The following MARCHF1 variants were observed in gnomAD, a reference collection of about 807,000 sequenced individuals.
MARCHF1 encodes the protein E3 ubiquitin-protein ligase MARCHF1.
Under a neutral mutation model 54.2 loss-of-function variants are expected in MARCHF1, and 40 were observed. The observed-to-expected ratio is 0.74, with a 90% CI of 0.57 to 0.96. The LOEUF is 0.96. Among genes scored for constraint, MARCHF1 ranks in the 40% least tolerant of loss-of-function variants. The pLI is 0.00. For missense variants in MARCHF1, 586 were observed against 656.5 expected (o/e 0.89, Z 1.17); for synonymous variants, 236 against 236.3 (o/e 1.00, Z 0.01).
chr4:163,665,581 G>T (rs1743503411), intron 5 of MARCHF1, among the ~76,000 whole-genome samples: 1 of 152,098 alleles, frequency 6.6e-6, no homozygotes, highest in African/African-American at 2.4e-5. Flanking sequence ...GATATTGATG[G>T]AGCGTGTATA....
At chr4:163,668,878 C>T (rs1743631364) in intron 5 of MARCHF1, among the ~76,000 whole-genome samples, 1 of 152,108 alleles carries the variant, frequency 6.6e-6, no homozygotes, top group Non-Finnish European at 1.5e-5. Flanking sequence ...AGTCATTATT[C>T]TCCAGAGGCA....
chr4:163,931,541 C>T (rs569229512), intron 3 of MARCHF1, among the ~76,000 whole-genome samples: 2 of 152,120 alleles, frequency 1.3e-5, no homozygotes, highest in Non-Finnish European at 2.9e-5. Context: ...GAAAATGGGG[C>T]CTCATCAAAC....
At chr4:164,096,570 T>TAA (rs70948698) in intron 2 of MARCHF1, among the ~76,000 whole-genome samples, 20,979 of 150,648 alleles carry the variant, frequency 0.14, 2,328 homozygotes, top group African/African-American at 0.32. Context: ...TATCTAAAAT[T>TAA]AAAAAAAAAA....
chr4:164,310,204 A>C (rs1477816095), intron 1 of MARCHF1, among the ~76,000 whole-genome samples: 1 of 152,036 alleles, frequency 6.6e-6, no homozygotes, highest in South Asian at 2.1e-4. Flanking sequence ...CAGCCTCCCG[A>C]GTAGCTGGGA....
chr4:163,902,892 C>T (rs1176572405), intron 3 of MARCHF1, among the ~76,000 whole-genome samples: 1 of 152,086 alleles, frequency 6.6e-6, no homozygotes, highest in Non-Finnish European at 1.5e-5. Flanking sequence ...TGTTATATAG[C>T]TCCATAGACC....
intron 3 of MARCHF1, among the ~76,000 whole-genome samples, chr4:163,933,510 G>C (rs1166536903): frequency 2.0e-5 from 3 of 152,134 alleles, no homozygotes; most frequent in Admixed American, 6.5e-5. Context: ...CAAACACTTA[G>C]GTAGAGGACT....
chr4:164,368,131 G>C (rs1424363258), intron 1 of MARCHF1, among the ~76,000 whole-genome samples: 1 of 142,286 alleles, frequency 7.0e-6, no homozygotes, highest in Non-Finnish European at 1.5e-5. Flanking sequence ...AAACCACAAA[G>C]AAATGGTTTT....
intron 5 of MARCHF1, among the ~76,000 whole-genome samples, chr4:163,654,206 T>G (rs957365045): frequency 6.6e-6 from 1 of 151,696 alleles, no homozygotes; most frequent in Non-Finnish European, 1.5e-5. Flanking sequence ...ACCTTGATCA[T>G]TGAAACATGA....
At chr4:164,127,289 A>C (rs1478395475) in intron 1 of MARCHF1, among the ~76,000 whole-genome samples, 2 of 152,172 alleles carry the variant, frequency 1.3e-5, no homozygotes, top group East Asian at 3.9e-4. Context: ...AAAAGCTTAA[A>C]GTAAAATGCA....
At chr4:163,957,032 A>G (rs918899741) in intron 3 of MARCHF1, among the ~76,000 whole-genome samples, 19 of 152,018 alleles carry the variant, frequency 1.2e-4, no homozygotes, top group African/African-American at 4.3e-4. Context: ...TGTGACTTTT[A>G]TTAAATTAAT....
intron 1 of MARCHF1, among the ~76,000 whole-genome samples, chr4:164,143,073 C>T (rs1756592575): frequency 1.4e-5 from 2 of 144,596 alleles, no homozygotes; most frequent in Admixed American, 6.9e-5. Context: ...AGGGTATCAG[C>T]AATGGAAGAT....
At chr4:164,003,630 A>C (rs1481090740) in intron 2 of MARCHF1, among the ~76,000 whole-genome samples, 3 of 152,106 alleles carry the variant, frequency 2.0e-5, no homozygotes, top group Non-Finnish European at 4.4e-5. Context: ...TAAAAAGTCA[A>C]GAAACAATGA....
chr4:164,056,030 G>GA (rs766289218), intron 2 of MARCHF1, among the ~76,000 whole-genome samples: 3 of 152,102 alleles, frequency 2.0e-5, no homozygotes, highest in African/African-American at 4.8e-5. Flanking sequence ...ATTTGCAGTA[G>GA]AAAAAAAAGT....
intron 4 of MARCHF1, among the ~76,000 whole-genome samples, chr4:163,797,334 T>C (rs1375092673): frequency 1.5e-5 from 1 of 67,682 alleles, no homozygotes; most frequent in Non-Finnish European, 3.5e-5. Flanking sequence ...ACGGTGTGTA[T>C]GTGTGTGTGT....
At chr4:163,694,257 C>T (rs1319343510) in intron 5 of MARCHF1, among the ~76,000 whole-genome samples, 1 of 152,134 alleles carries the variant, frequency 6.6e-6, no homozygotes, top group Non-Finnish European at 1.5e-5. Flanking sequence ...CTTTGGGTCC[C>T]TCTCACTGGT....
At chr4:163,850,657 G>T (rs559536994) in intron 4 of MARCHF1, among the ~76,000 whole-genome samples, 1 of 152,278 alleles carries the variant, frequency 6.6e-6, no homozygotes, top group Non-Finnish European at 1.5e-5. Context: ...AAAGGAAACT[G>T]ATTTCAAAGG....
At chr4:163,944,879 TTAGATA>T (rs1436399506) in intron 3 of MARCHF1, among the ~76,000 whole-genome samples, 3 of 152,206 alleles carry the variant, frequency 2.0e-5, no homozygotes, top group Non-Finnish European at 2.9e-5. Flanking sequence ...TTTAAAATGA[TTAGATA>T]TAGACATTGA....
At chr4:163,596,769 G>T (rs1740785907) in intron 7 of MARCHF1, among the ~76,000 whole-genome samples, 1 of 152,006 alleles carries the variant, frequency 6.6e-6, no homozygotes, top group African/African-American at 2.4e-5. Context: ...TATTTAAAAG[G>T]TATTTTTCAA....
At chr4:163,930,988 T>A (rs1751659779) in intron 3 of MARCHF1, among the ~76,000 whole-genome samples, 1 of 152,134 alleles carries the variant, frequency 6.6e-6, no homozygotes, top group Non-Finnish European at 1.5e-5. Context: ...TATCTAGAGA[T>A]GGGGACTTTA....
Sources: gnomAD v4.1 joint callset for allele counts (sites outside exome capture counted in the v4.1 genomes callset) on GRCh38, gnomAD v4.1.1 for gene constraint, MANE v1.5 for transcripts, NCBI Gene and HGNC (gene_info 2026-07-23, HGNC 2026-07-21) for gene names.